Variants in CYB5R3 observed in about 807,000 individuals in gnomAD.
The protein encoded by CYB5R3 is cytochrome b5 reductase 3, also known as NADH-cytochrome b5 reductase 3.
CYB5R3 carries 28 observed loss-of-function variants against 36.5 expected under a neutral mutation model. That is an observed-to-expected ratio of 0.77 (90% CI 0.57 to 1.05). The LOEUF is 1.05. Among genes scored for constraint, CYB5R3 ranks in the 50% least tolerant of loss-of-function variants. The pLI, the probability that CYB5R3 is intolerant of heterozygous loss-of-function variation, is 0.00. For synonymous variants in CYB5R3, 181 were observed against 159.8 expected, an observed-to-expected ratio of 1.13 and a Z score of -1.00; for missense variants, 474 against 408.9, an observed-to-expected ratio of 1.16 and a Z score of -1.37.
chr22:42,625,505 G>A lies in CYB5R3; in HGVS notation c.634-1617C>T, dbSNP rs375118722. Among the ~76,000 whole-genome samples, 15 of 152,170 alleles carry A rather than the reference G, an allele frequency of 9.9e-5. No individual in the cohort carries two copies. The East Asian group carries it at 1.2e-3, about 12-fold the overall frequency. On this transcript the variant is annotated intron_variant, in intron 7 of 8. Transcript: ENST00000352397. ...GCCTGGGCAATAAGAGTGAAATTCC[G>A]TCTCAATTTTTTTAAAAAAAGTTAT...
At chr22:42,645,612 C>T (rs974078231) in intron 1 of CYB5R3, among the ~76,000 whole-genome samples, 2 of 152,254 alleles carry the variant, frequency 1.3e-5, no homozygotes, top group South Asian at 4.1e-4. Flanking sequence ...GTGTCTGCTC[C>T]CAACAACAGG....
intron 1 of CYB5R3, among the ~76,000 whole-genome samples, chr22:42,648,308 G>A (rs1929620455): frequency 2.0e-5 from 3 of 152,164 alleles, no homozygotes; most frequent in Non-Finnish European, 1.5e-5. Flanking sequence ...GAGGAGCACT[G>A]GGCTGATTCC....
At chr22:42,623,492 C>T (rs564552431) in intron 8 of CYB5R3, among the ~76,000 whole-genome samples, 21 of 152,336 alleles carry the variant, frequency 1.4e-4, no homozygotes, top group Admixed American at 1.1e-3. Flanking sequence ...TGAGCCCCGC[C>T]CAGGGAGGGG....
chr22:42,624,118 T>G (rs909061996), intron 7 of CYB5R3, among the ~76,000 whole-genome samples: 1 of 152,070 alleles, frequency 6.6e-6, no homozygotes, highest in Non-Finnish European at 1.5e-5. Flanking sequence ...AGAAACTCAG[T>G]GTGTCAACTG....
In CYB5R3 at chr22:42,630,990, T is replaced by A; in HGVS notation, c.227-2A>T. Reference sequence around the variant, plus strand: ...GAGCCGAGAGGTAGATGTGCTGGCCTGCAGGACAGAACGGGGTCACTCTGG... The same window carrying A: ...GAGCCGAGAGGTAGATGTGCTGGCCAGCAGGACAGAACGGGGTCACTCTGG... On this transcript the variant is annotated splice_acceptor_variant, in intron 3 of 8. Transcript: ENST00000352397. LOFTEE classifies it high-confidence loss of function. The A allele has an allele frequency of 6.2e-7, 1 of 1,613,300 alleles. No homozygotes were observed. Among genetic ancestry groups the A allele is most frequent in the Non-Finnish European group, 8.5e-7 (1 of 1,179,580 alleles).
chr22:42,635,293 A>C (rs1051205883), intron 2 of CYB5R3, among the ~76,000 whole-genome samples: 2 of 148,950 alleles, frequency 1.3e-5, no homozygotes, highest in African/African-American at 5.0e-5. Flanking sequence ...TTTAGTAGAG[A>C]CAGAGTTTCA....
chr22:42,623,863 G>A lies in CYB5R3; in HGVS notation c.659C>T (p.Pro220Leu). 1 of 1,614,176 alleles carries A rather than the reference G, an allele frequency of 6.2e-7. No homozygotes were observed. The highest frequency in any genetic ancestry group is 8.5e-7 in the Non-Finnish European group (1 of 1,179,996). ...TTTGTTCCTGAGTTCCTCCAGCTCA[G>A]GTCGCAGCAGGATGTCCTTCTCGGT... ...NQTEKDILLR[P>L]ELEELRNKHS... The change falls in exon 8 of 9, where the codon CCT (proline) becomes CTT (leucine). Residue 220 changes from proline to leucine, a missense_variant. Physicochemically the swap from Pro to Leu is moderately conservative, Grantham distance 98. Transcript: ENST00000352397.
rs1180559328 is a variant in CYB5R3 at position 42,619,562 on chromosome 22, C to T, written c.*211G>A. 18 of 596,666 alleles carry T rather than the reference C, an allele frequency of 3.0e-5. No individual in the cohort carries two copies. The highest frequency in any genetic ancestry group is 2.2e-4 in the East Asian group (8 of 35,818). The allele number at this position is 596,666 out of a possible 1,614,324, so 37.0% of individuals were successfully genotyped here. A position where few individuals can be genotyped will look rare whatever the true frequency, so the allele number is the denominator to read the frequency against. ...AAGGACCAGTAAGTGCCAGGCAGGA[C>T]GTACTCTGAAGGCTCAGCCGTGGCC... is the stretch of plus-strand genomic sequence containing the variant. On this transcript the variant is annotated 3_prime_UTR_variant, in exon 9 of 9. Transcript: ENST00000352397.
chr22:42,649,199 G>A lies in CYB5R3; in HGVS notation c.21+96C>T, dbSNP rs527247130. ...GTGGGTGCGGCCGGGTGCGGCCCGGGTCCCGCGTCACCTCCCGCAGGCCAG... is the reference window on the plus strand; with the variant it reads ...GTGGGTGCGGCCGGGTGCGGCCCGGATCCCGCGTCACCTCCCGCAGGCCAG... On this transcript the variant is annotated intron_variant, in intron 1 of 8. Transcript: ENST00000352397. 1.8e-5 allele frequency: 9 copies of A among 497,358 alleles called. No homozygotes were observed. The East Asian group carries it at 7.6e-4, about 42-fold the overall frequency. 30.8% of individuals were successfully genotyped at this position (497,358 alleles called of 1,614,324 possible).
rs1928339834 is a variant in CYB5R3, at chr22:42,627,458, G to A, written c.548-69C>T. ...TGTTCACAGGCACCGCCCCGCCCAG[G>A]TGTACTGGGGTGGAGGGGCCAGGAC... On this transcript the variant is annotated intron_variant, in intron 6 of 8. Transcript: ENST00000352397. 1.5e-5 allele frequency: 23 copies of A among 1,529,188 alleles called. No homozygotes were observed. In the South Asian group the frequency reaches 2.5e-4, roughly 17 times the overall value. The allele number at this position is 1,529,188 out of a possible 1,614,324, so 94.7% of individuals were successfully genotyped here.
intron 1 of CYB5R3, chr22:42,640,447 T>G: frequency 2.4e-6 from 1 of 411,992 alleles, no homozygotes; most frequent in Non-Finnish European, 3.7e-6. Flanking sequence ...GGTGTGATCT[T>G]GGCTAACTGT....
In CYB5R3 at chr22:42,619,702, G is replaced by A. The variant is rs1927848117; in HGVS notation, c.*71C>T. The A allele has an allele frequency of 6.9e-7, 1 of 1,451,456 alleles. No individual in the cohort carries two copies. Among genetic ancestry groups the A allele is most frequent in the African/African-American group, 1.4e-5 (1 of 71,660 alleles). 89.9% of individuals were successfully genotyped at this position (1,451,456 alleles called of 1,614,324 possible). ...CCGGGGCCCCAGTGTGCGATGTGGG[G>A]AGGTGACTGGGTGAGCGTGAACAGG... On this transcript the variant is annotated 3_prime_UTR_variant, in exon 9 of 9. Transcript: ENST00000352397.
chr22:42,630,730 C>T, intron 4 of CYB5R3, 152 bp downstream of exon 4: 1 of 698,056 alleles, frequency 1.4e-6, no homozygotes, highest in Non-Finnish European at 2.6e-6. Context: ...AGCCACTGCC[C>T]CTGCAAGCCC....
At chr22:42,636,949 C>CA in intron 1 of CYB5R3, 103 bp from the exon 2 acceptor site, 1 of 1,473,064 alleles carries the variant, frequency 6.8e-7, no homozygotes, top group Non-Finnish European at 9.2e-7. Context: ...CCCCCTCTGC[C>CA]AGGAGCACCC....
rs1056035478 is a variant in CYB5R3 at position 42,627,451 on chromosome 22, C to T, written c.548-62G>A. On this transcript the variant is annotated intron_variant, in intron 6 of 8. Coordinates refer to ENST00000352397, the MANE Select transcript of CYB5R3 (RefSeq NM_000398.7). ...CGAGGCCTGTTCACAGGCACCGCCCCGCCCAGGTGTACTGGGGTGGAGGGG... is the reference window on the plus strand; with the variant it reads ...CGAGGCCTGTTCACAGGCACCGCCCTGCCCAGGTGTACTGGGGTGGAGGGG... 1.2e-4 allele frequency: 190 copies of T among 1,556,746 alleles called. 1 individual carries two copies. Among genetic ancestry groups the T allele is most frequent in the South Asian group, 4.4e-4 (39 of 89,168 alleles).
Position 42,631,391 on chromosome 22 carries a change from C to G in CYB5R3, c.213G>C (p.Leu71=), listed in dbSNP as rs780559054. The part of the protein sequence containing the change: ...RFALPSPQHI[L]GLPVGQHIYL... ...GGCGTGACTCACCGACAGGGAGGCC[C>G]AGGATGTGCTGGGGTGACGGCAGGG... is the stretch of plus-strand genomic sequence containing the variant. Residue 71 remains leucine, a synonymous_variant, in exon 3 of 9, where the codon CTG becomes CTC. Coordinates refer to ENST00000352397, the MANE Select transcript of CYB5R3 (RefSeq NM_000398.7). 5 of 1,551,554 alleles carry G rather than the reference C, an allele frequency of 3.2e-6. No individual in the cohort carries two copies. In the South Asian group the frequency reaches 5.9e-5, roughly 18 times the overall value.
At chr22:42,647,203 G>A (rs1368070280) in intron 1 of CYB5R3, 2 of 153,002 alleles carry the variant, frequency 1.3e-5, no homozygotes, top group African/African-American at 2.4e-5. Context: ...CCCACAAAGG[G>A]TAATCCCCAC....
rs1928953666 is a variant in CYB5R3 at position 42,637,350 on chromosome 22, G to A, written c.22-504C>T. Among the ~76,000 whole-genome samples, 4 of 152,174 alleles carry A rather than the reference G, an allele frequency of 2.6e-5. No homozygotes were observed. In the South Asian group the frequency reaches 8.3e-4, roughly 32 times the overall value. On this transcript the variant is annotated intron_variant, in intron 1 of 8. Transcript: ENST00000352397. ...CTGAAAGGCCTACACTGACCAAATG[G>A]CTCTATGGCACCTTTAAATCCAGTC...
chr22:42,633,905 G>C lies in CYB5R3; in HGVS notation c.154-2455C>G, dbSNP rs1928743448. On this transcript the variant is annotated intron_variant, in intron 2 of 8. Coordinates refer to ENST00000352397, the MANE Select transcript of CYB5R3 (RefSeq NM_000398.7). ...GTTGCAGAAAGCAGCCTGGGTGACA[G>C]AGCGAGACCTTGTTCTAAAAAAACA... 2.0e-5 allele frequency among the ~76,000 whole-genome samples: 3 copies of C among 152,182 alleles called. No individual in the cohort carries two copies. In the South Asian group the frequency reaches 6.2e-4, roughly 31 times the overall value.
Sources: gnomAD v4.1 joint callset for allele counts (sites outside exome capture counted in the v4.1 genomes callset) on GRCh38, gnomAD v4.1.1 for gene constraint, MANE v1.5 for transcripts, NCBI Gene and HGNC (gene_info 2026-07-23, HGNC 2026-07-21) for gene names.